The following PLCB4 variants were observed in gnomAD, a reference collection of about 807,000 sequenced individuals.
PLCB4 encodes 1-phosphatidylinositol 4,5-bisphosphate phosphodiesterase beta-4.
In PLCB4, 77 loss-of-function variants were observed where a neutral mutation model predicts 178.8. That is an observed-to-expected ratio of 0.43 (90% confidence interval 0.36 to 0.52). PLCB4 has a LOEUF of 0.52. PLCB4 is among the 20% of genes least tolerant of loss of function. The probability of loss-of-function intolerance (pLI) is 0.00; values close to 1 mark genes in which losing one functional copy is unlikely to be tolerated. For missense variants in PLCB4, 1,024 were observed against 1,453.4 expected, an observed-to-expected ratio of 0.70 and a Z score of 4.80; for synonymous variants, 496 against 490.8, an observed-to-expected ratio of 1.01 and a Z score of -0.14.
At chr20:9,258,574 G>T (rs1300856038) in intron 3 of PLCB4, among the ~76,000 whole-genome samples, 1 of 151,940 alleles carries the variant, frequency 6.6e-6, no homozygotes. Flanking sequence ...AATTAGCCGG[G>T]TGTGGTGGCG....
At chr20:9,152,879 T>C (rs916430413) in intron 2 of PLCB4, among the ~76,000 whole-genome samples, 1 of 152,054 alleles carries the variant, frequency 6.6e-6, no homozygotes, top group Non-Finnish European at 1.5e-5. Flanking sequence ...TGCAAAGCCG[T>C]AGGGGTGGAG....
chr20:9,283,117 A>G (rs1168715751), intron 3 of PLCB4, among the ~76,000 whole-genome samples: 1 of 151,940 alleles, frequency 6.6e-6, no homozygotes, highest in African/African-American at 2.4e-5. Context: ...GAAATGGTCT[A>G]CCATGCCTGG....
At chr20:9,441,803 G>C (rs1349071905) in intron 30 of PLCB4, among the ~76,000 whole-genome samples, 1 of 152,156 alleles carries the variant, frequency 6.6e-6, no homozygotes, top group African/African-American at 2.4e-5. Flanking sequence ...GTGTGTGGCT[G>C]GAGCAGACGG....
chr20:9,363,095 C>T (rs1602114956), intron 8 of PLCB4, 120 bp downstream of exon 8: 2 of 735,556 alleles, frequency 2.7e-6, no homozygotes, highest in East Asian at 5.4e-5. Context: ...CTCCATGCTC[C>T]TGACCTTGGA....
At chr20:9,273,750 G>A (rs1008540412) in intron 3 of PLCB4, among the ~76,000 whole-genome samples, 1 of 151,612 alleles carries the variant, frequency 6.6e-6, no homozygotes, top group Non-Finnish European at 1.5e-5. Flanking sequence ...AGATGCTCGA[G>A]CCAGAGTATG....
Position 9,401,472 on chromosome 20 carries a change from C to T in PLCB4, c.1511-18C>T. Reference sequence around the variant, plus strand: ...CAGTGGTTTGGTGTCATGGATTTTCCATTTGTCTTTCACACAGCTGACCAA... The same window carrying T: ...CAGTGGTTTGGTGTCATGGATTTTCTATTTGTCTTTCACACAGCTGACCAA... On this transcript the variant is annotated intron_variant, in intron 19 of 39. Coordinates refer to ENST00000378473, the MANE Select transcript of PLCB4 (RefSeq NM_001377142.1). 2.5e-6 allele frequency: 4 copies of T among 1,579,766 alleles called. No individual in the cohort carries two copies. The highest frequency in any genetic ancestry group is 3.5e-6 in the Non-Finnish European group (4 of 1,149,376).
At chr20:9,265,923 T>G (rs1292256145) in intron 3 of PLCB4, among the ~76,000 whole-genome samples, 1 of 152,196 alleles carries the variant, frequency 6.6e-6, no homozygotes, top group Non-Finnish European at 1.5e-5. Context: ...GGGTCCCAGC[T>G]GTTTTAACCA....
intron 1 of PLCB4, among the ~76,000 whole-genome samples, chr20:9,072,308 C>A (rs2089614178): frequency 6.6e-6 from 1 of 152,064 alleles, no homozygotes; most frequent in Non-Finnish European, 1.5e-5. Context: ...GTAGCTCTTT[C>A]TTCTATTCCT....
chr20:9,348,044 A>G (rs530990219), intron 7 of PLCB4, among the ~76,000 whole-genome samples: 1 of 152,320 alleles, frequency 6.6e-6, no homozygotes, highest in African/African-American at 2.4e-5. Context: ...CCAGGAGCCA[A>G]GGATGGTCCA....
intron 3 of PLCB4, among the ~76,000 whole-genome samples, chr20:9,268,091 A>G (rs545866916): frequency 1.3e-5 from 2 of 152,306 alleles, no homozygotes; most frequent in South Asian, 2.1e-4. Context: ...CCTTTTCTTT[A>G]TAAACCCAGT....
intron 4 of PLCB4, 98 bp downstream of exon 4, chr20:9,307,996 C>T (rs1455469562): frequency 3.7e-6 from 2 of 543,760 alleles, no homozygotes; most frequent in Non-Finnish European, 6.4e-6. Flanking sequence ...TAAGTAAGAA[C>T]ATCTTTAGGA....
At chr20:9,242,172 G>T (rs2094070772) in intron 3 of PLCB4, among the ~76,000 whole-genome samples, 1 of 152,220 alleles carries the variant, frequency 6.6e-6, no homozygotes. Flanking sequence ...CAAAGTTACA[G>T]GACAAAGGCC....
Position 9,421,334 on chromosome 20 carries a change from G to A in PLCB4, c.2192G>A (p.Gly731Asp), listed in dbSNP as rs1414243669. The change falls in exon 27 of 40, where the codon GGC becomes GAC. Residue 731 changes from glycine (G) to aspartate (D), a missense_variant. By Grantham distance (94) the Gly-to-Asp change is moderately conservative. Around this residue, in one of 7 missense-constraint regions of PLCB4, gnomAD observed 227 missense variants for 374.3 expected, o/e 0.61. Transcript: ENST00000378473. ...CAATTCTTATCAGATAAGAAAATTG[G>A]CACCTACGTAGAGGTGGATATGTAT... ...SGQFLSDKKIGTYVEVDMYGL... is the reference protein window; with the variant it reads ...SGQFLSDKKIDTYVEVDMYGL... The A allele has an allele frequency of 2.5e-6, 4 of 1,613,672 alleles. No individual in the cohort carries two copies. The highest frequency in any genetic ancestry group is 2.5e-6 in the Non-Finnish European group (3 of 1,179,662).
chr20:9,164,364 T>G (rs907114713), intron 2 of PLCB4, among the ~76,000 whole-genome samples: 2 of 152,138 alleles, frequency 1.3e-5, no homozygotes, highest in African/African-American at 2.4e-5. Context: ...GGAAGTGATT[T>G]TATTGCTGTT....
chr20:9,172,180 G>A (rs971805532), intron 2 of PLCB4, among the ~76,000 whole-genome samples: 2 of 152,072 alleles, frequency 1.3e-5, no homozygotes, highest in Non-Finnish European at 2.9e-5. Flanking sequence ...CCATAGAGCA[G>A]GTTGACCCCA....
At chr20:9,276,980 C>T (rs892508122) in intron 3 of PLCB4, among the ~76,000 whole-genome samples, 1 of 152,010 alleles carries the variant, frequency 6.6e-6, no homozygotes, top group Non-Finnish European at 1.5e-5. Flanking sequence ...ATTTTTGTCC[C>T]TACCCCATAA....
chr20:9,244,137 T>C (rs2094098861), intron 3 of PLCB4, among the ~76,000 whole-genome samples: 1 of 152,162 alleles, frequency 6.6e-6, no homozygotes, highest in Non-Finnish European at 1.5e-5. Flanking sequence ...AGAGTGATGT[T>C]ATTCTGTGGT....
At chr20:9,435,872 C>T (rs1486331557) in intron 29 of PLCB4, among the ~76,000 whole-genome samples, 1 of 152,226 alleles carries the variant, frequency 6.6e-6, no homozygotes, top group Non-Finnish European at 1.5e-5. Context: ...GCTTAACTCA[C>T]ATCTGGGGAC....
In PLCB4 at chr20:9,255,182, C is replaced by T. The variant is rs555151429; in HGVS notation, c.-16+37730C>T. ...CCAATAATCTCATCATCCTCTATGG[C>T]CCTAGGCAGAGTTCCTAATACTTTT... On this transcript the variant is annotated intron_variant, in intron 3 of 39. Coordinates refer to ENST00000378473, the MANE Select transcript of PLCB4 (RefSeq NM_001377142.1). Among the ~76,000 whole-genome samples, 9 of 152,296 alleles carry T rather than the reference C, an allele frequency of 5.9e-5. No individual in the cohort carries two copies. The East Asian group carries it at 7.7e-4, about 13-fold the overall frequency.
Sources: allele counts gnomAD v4.1 joint callset (sites outside exome capture counted in the v4.1 genomes callset), GRCh38; gene constraint gnomAD v4.1.1; regional missense constraint gnomAD v4.1.1; transcripts MANE v1.5; gene names NCBI Gene and HGNC (gene_info 2026-07-23, HGNC 2026-07-21).